Variants in ALDH7A1 observed in about 807,000 individuals in gnomAD.
ALDH7A1 encodes aldehyde dehydrogenase 7 family member A1.
Under a neutral mutation model 79.9 loss-of-function variants are expected in ALDH7A1, and 63 were observed. The ratio of observed to expected loss-of-function variants is 0.79; its 90% CI spans 0.64 to 0.97. ALDH7A1 has a LOEUF of 0.97. ALDH7A1 is among the 50% of genes least tolerant of loss of function. The pLI is 0.00. For missense variants in ALDH7A1, 627 were observed against 665.2 expected (o/e 0.94, Z 0.63); for synonymous variants, 240 against 231.2 (o/e 1.04, Z -0.34).
At chr5:126,576,294 A>T (rs188822405) in intron 6 of ALDH7A1, among the ~76,000 whole-genome samples, 5 of 151,908 alleles carry the variant, frequency 3.3e-5, no homozygotes, top group Admixed American at 3.3e-4. Context: ...ATTGTGGACA[A>T]GCAGAGTTTT....
At chr5:126,549,155 A>G (rs984893442) in intron 16 of ALDH7A1, among the ~76,000 whole-genome samples, 1 of 151,772 alleles carries the variant, frequency 6.6e-6, no homozygotes, top group African/African-American at 2.4e-5. Context: ...TTAAATTAGT[A>G]CAAAAGGAGA....
intron 13 of ALDH7A1, among the ~76,000 whole-genome samples, chr5:126,553,638 G>A (rs112777241): frequency 0.054 from 8,148 of 152,106 alleles, 747 homozygotes; most frequent in African/African-American, 0.19. Flanking sequence ...CTTGAACCTG[G>A]GAGGCGAGGT....
intron 3 of ALDH7A1, chr5:126,586,739 G>T (rs1460821668): frequency 6.6e-6 from 1 of 152,422 alleles, no homozygotes; most frequent in Non-Finnish European, 1.5e-5. Context: ...AAAGCATGGG[G>T]TTAGAGGGGT....
chr5:126,552,585 C>A (rs1750038446), intron 13 of ALDH7A1, among the ~76,000 whole-genome samples: 1 of 151,602 alleles, frequency 6.6e-6, no homozygotes, highest in Admixed American at 6.6e-5. Context: ...TTAGTAGAGA[C>A]CAGGTTTCAC....
chr5:126,590,498 G>T (rs528592915), intron 3 of ALDH7A1, among the ~76,000 whole-genome samples: 202 of 152,240 alleles, frequency 1.3e-3, no homozygotes, highest in African/African-American at 4.7e-3. Flanking sequence ...GGCAGAGGTT[G>T]CAGTGAGCTG....
chr5:126,579,945 T>A (rs574497632), intron 5 of ALDH7A1: 82 of 166,918 alleles, frequency 4.9e-4, no homozygotes, highest in Non-Finnish European at 6.0e-4. Context: ...GGGTGACAGA[T>A]CCTATCTCAA....
chr5:126,580,502 G>C (rs1670893677), intron 5 of ALDH7A1, among the ~76,000 whole-genome samples: 1 of 152,100 alleles, frequency 6.6e-6, no homozygotes, highest in African/African-American at 2.4e-5. Flanking sequence ...AGGACATTAA[G>C]TGTCCTTAAT....
chr5:126,592,600 A>G (rs1751587592), intron 3 of ALDH7A1, 64 bp downstream of exon 3: 1 of 1,508,902 alleles, frequency 6.6e-7, no homozygotes, highest in East Asian at 2.3e-5. Context: ...ATGTTTATGT[A>G]TCTCATTGGT....
chr5:126,551,481 C>G (rs1169681633), intron 14 of ALDH7A1, among the ~76,000 whole-genome samples: 2 of 152,052 alleles, frequency 1.3e-5, no homozygotes, highest in Non-Finnish European at 2.9e-5. Flanking sequence ...AACACCACGC[C>G]TGGCTAATTT....
intron 8 of ALDH7A1, chr5:126,568,611 A>T (rs1750673307): frequency 2.1e-6 from 1 of 487,106 alleles, no homozygotes; most frequent in African/African-American, 2.0e-5. Context: ...TAGGGAAGAA[A>T]GTCTTTCCTA....
intron 7 of ALDH7A1, among the ~76,000 whole-genome samples, chr5:126,571,808 TGGGGAA>T (rs907122482): frequency 6.6e-6 from 1 of 152,032 alleles, no homozygotes; most frequent in Non-Finnish European, 1.5e-5. Context: ...AAGCACAAAT[TGGGGAA>T]GGGGAAGGGA....
intron 4 of ALDH7A1, among the ~76,000 whole-genome samples, chr5:126,583,637 G>A (rs1382307234): frequency 1.3e-5 from 2 of 151,836 alleles, no homozygotes; most frequent in African/African-American, 4.8e-5. Context: ...AGGAGTTCAA[G>A]ACCAGCCTGG....
intron 14 of ALDH7A1, among the ~76,000 whole-genome samples, chr5:126,551,744 C>CGT (rs1750007462): frequency 6.6e-6 from 1 of 152,182 alleles, no homozygotes; most frequent in Non-Finnish European, 1.5e-5. Flanking sequence ...ATGGCCTACA[C>CGT]AGCCCAGGAT....
chr5:126,559,435 T>TG lies in ALDH7A1; in HGVS notation c.914-102_914-101insC, dbSNP rs796797237. On this transcript the variant is annotated intron_variant, in intron 10 of 17. Coordinates refer to ENST00000409134, the MANE Select transcript of ALDH7A1 (RefSeq NM_001182.5). ...TGTTGTTTTTTGTTTTTGGTTTTGG[T>TG]TTTTTTTTTTTTTTTTTGAGACAGA... The TG allele has an allele frequency of 3.5e-3, 838 of 242,856 alleles. 8 individuals carry two copies. In the African/African-American group the frequency reaches 0.039, roughly 11 times the overall value. The allele number at this position is 242,856 out of a possible 1,614,324, so 15.0% of individuals were successfully genotyped here.
intron 1 of ALDH7A1, chr5:126,594,404 A>ACAAGACCATAGATCC: frequency 5.6e-6 from 2 of 356,714 alleles, no homozygotes; most frequent in Middle Eastern, 8.4e-4. Context: ...CACATTTCTC[A>ACAAGACCATAGATCC]CAAGACCATA....
At chr5:126,573,936 A>G (rs1403535118) in intron 7 of ALDH7A1, among the ~76,000 whole-genome samples, 1 of 148,636 alleles carries the variant, frequency 6.7e-6, no homozygotes, top group African/African-American at 2.5e-5. Flanking sequence ...AGGCTGAGAC[A>G]TGAGAATCTC....
intron 11 of ALDH7A1, 87 bp downstream of exon 11, chr5:126,559,153 G>T: frequency 1.8e-6 from 2 of 1,086,084 alleles, no homozygotes; most frequent in Non-Finnish European, 2.8e-6. Flanking sequence ...TGTTCTAGCA[G>T]TATTGCTGAC....
intron 1 of ALDH7A1, 87 bp from the exon 2 acceptor site, chr5:126,593,491 A>G: frequency 1.9e-6 from 3 of 1,573,946 alleles, no homozygotes; most frequent in South Asian, 1.1e-5. Context: ...GAAAAACAAG[A>G]GAGGAAAAAA....
At chr5:126,582,490 A>T (rs1402963154) in intron 5 of ALDH7A1, among the ~76,000 whole-genome samples, 1 of 152,200 alleles carries the variant, frequency 6.6e-6, no homozygotes, top group Non-Finnish European at 1.5e-5. Context: ...TATTGATGCC[A>T]CAATGAACTT....
Sources: allele counts gnomAD v4.1 joint callset (sites outside exome capture counted in the v4.1 genomes callset), GRCh38; gene constraint gnomAD v4.1.1; transcripts MANE v1.5; gene names NCBI Gene and HGNC (gene_info 2026-07-23, HGNC 2026-07-21).